The following DYM variants were observed in gnomAD, a reference collection of about 807,000 sequenced individuals.
DYM encodes the protein dyggve-Melchior-Clausen syndrome protein.
In DYM, 78 loss-of-function variants were observed where a neutral mutation model predicts 93.1. The observed-to-expected ratio is 0.84, with a 90% CI of 0.70 to 1.01. The LOEUF is 1.01. DYM is among the 50% of genes least tolerant of loss of function. DYM has a pLI of 0.00. For synonymous variants in DYM, 321 were observed against 319.7 expected (o/e 1.00, Z -0.04); for missense variants, 789 against 845.0 (o/e 0.93, Z 0.82).
chr18:49,149,854 G>A (rs1014623107), intron 15 of DYM, among the ~76,000 whole-genome samples: 3 of 151,704 alleles, frequency 2.0e-5, no homozygotes, highest in African/African-American at 4.8e-5. Flanking sequence ...CTACAGGCGC[G>A]CACCACCATG....
chr18:49,313,462 C>CAAAAAAA lies in DYM; in HGVS notation c.763+18395_763+18401dup, dbSNP rs60775305. ...TCGGCAACAGAGCAAGACTCTGTCA[C>CAAAAAAA]AAAAAAAAAAAAAAAAAAAAAAAAA... On this transcript the variant is annotated intron_variant, in intron 8 of 17. Transcript: ENST00000675505. Among the ~76,000 whole-genome samples, 88 of 28,560 alleles carry CAAAAAAA rather than the reference C, an allele frequency of 3.1e-3. 15 individuals carry two copies. Among genetic ancestry groups the CAAAAAAA allele is most frequent in the Middle Eastern group, 0.062 (1 of 16 alleles). 18.7% of individuals were successfully genotyped at this position (28,560 alleles called of 152,430 possible). A position where few individuals can be genotyped will look rare whatever the true frequency, so the allele number is the denominator to read the frequency against.
At chr18:49,285,032 T>A (rs1380210440) in intron 9 of DYM, among the ~76,000 whole-genome samples, 2 of 152,190 alleles carry the variant, frequency 1.3e-5, no homozygotes, top group African/African-American at 4.8e-5. Context: ...CCTTCTGCCA[T>A]GTGAAGACAC....
At chr18:49,272,049 G>C in intron 11 of DYM, 129 bp downstream of exon 11, 1 of 555,920 alleles carries the variant, frequency 1.8e-6, no homozygotes, top group Non-Finnish European at 2.9e-6. Flanking sequence ...TCTGAAGAAA[G>C]ACATAACATT....
intron 15 of DYM, among the ~76,000 whole-genome samples, chr18:49,120,393 C>T (rs548870158): frequency 1.9e-4 from 29 of 152,296 alleles, no homozygotes; most frequent in African/African-American, 7.0e-4. Flanking sequence ...GATACCTACA[C>T]AAACGTAAGT....
rs375755865 is a variant in DYM, at chr18:49,124,058, A to C, written c.1729-5132T>G. ...CAGATAGCTTACAATTTCTGCTTTC[A>C]AACACATTGAGAGTTTGTTCTCAAT... On this transcript the variant is annotated intron_variant, in intron 15 of 17. Transcript: ENST00000675505. Among the ~76,000 whole-genome samples, 4 of 152,336 alleles carry C rather than the reference A, an allele frequency of 2.6e-5. No individual in the cohort carries two copies. The East Asian group carries it at 5.8e-4, about 22-fold the overall frequency.
intron 17 of DYM, among the ~76,000 whole-genome samples, chr18:49,087,803 T>C (rs1278934083): frequency 2.6e-5 from 4 of 152,080 alleles, no homozygotes; most frequent in African/African-American, 9.7e-5. Flanking sequence ...TTTTTAATGA[T>C]TGCCATTCTA....
At chr18:49,160,287 T>C (rs2086937211) in intron 15 of DYM, among the ~76,000 whole-genome samples, 1 of 152,194 alleles carries the variant, frequency 6.6e-6, no homozygotes, top group South Asian at 2.1e-4. Flanking sequence ...GGTTTCAGGT[T>C]TCCCTAGAGA....
chr18:49,264,636 T>C (rs1233856198), intron 11 of DYM, among the ~76,000 whole-genome samples: 1 of 152,206 alleles, frequency 6.6e-6, no homozygotes, highest in East Asian at 1.9e-4. Flanking sequence ...TCTATTCTGT[T>C]TTTCTATTAC....
intron 11 of DYM, among the ~76,000 whole-genome samples, chr18:49,270,464 T>C (rs1489856660): frequency 6.6e-6 from 1 of 152,152 alleles, no homozygotes; most frequent in Non-Finnish European, 1.5e-5. Flanking sequence ...AGGTCAAAGT[T>C]ACAGGTATAT....
chr18:49,089,352 T>C (rs1432410194), intron 17 of DYM, among the ~76,000 whole-genome samples: 2 of 152,274 alleles, frequency 1.3e-5, no homozygotes, highest in Non-Finnish European at 2.9e-5. Flanking sequence ...ACTTTATTAA[T>C]GGAATTTTAC....
At chr18:49,199,705 T>G (rs1235278626) in intron 14 of DYM, among the ~76,000 whole-genome samples, 1 of 152,234 alleles carries the variant, frequency 6.6e-6, no homozygotes, top group African/African-American at 2.4e-5. Context: ...ATTTATTCAT[T>G]ACAGATTAAG....
chr18:49,044,021 G>T lies in DYM; in HGVS notation c.*34C>A, dbSNP rs765922394. On this transcript the variant is annotated 3_prime_UTR_variant, in exon 18 of 18. Coordinates refer to ENST00000675505, the MANE Select transcript of DYM (RefSeq NM_001353214.3). ...ATAAAAGAACTTGAAGGGCTGCTTG[G>T]CTGGAGGGGTCCGGGTGGGAGAGCA... The T allele has an allele frequency of 1.2e-5, 20 of 1,611,766 alleles. No homozygotes were observed. The highest frequency in any genetic ancestry group is 1.7e-5 in the Non-Finnish European group (20 of 1,179,632).
intron 13 of DYM, among the ~76,000 whole-genome samples, chr18:49,211,185 C>G (rs1240393270): frequency 6.6e-6 from 1 of 152,126 alleles, no homozygotes; most frequent in East Asian, 1.9e-4. Flanking sequence ...GGTGTATGAT[C>G]TCTCTAAGCC....
intron 15 of DYM, among the ~76,000 whole-genome samples, chr18:49,144,626 G>T (rs953758390): frequency 1.6e-4 from 25 of 152,000 alleles, no homozygotes; most frequent in African/African-American, 5.8e-4. Context: ...TTATTGGGTT[G>T]GTCACTGTTA....
chr18:49,270,753 C>T (rs1406002156), intron 11 of DYM, among the ~76,000 whole-genome samples: 1 of 152,018 alleles, frequency 6.6e-6, no homozygotes, highest in African/African-American at 2.4e-5. Context: ...GGTCAAGATT[C>T]CTTAAATCTT....
intron 17 of DYM, among the ~76,000 whole-genome samples, chr18:49,065,170 C>A (rs950032238): frequency 6.6e-6 from 1 of 152,102 alleles, no homozygotes; most frequent in African/African-American, 2.4e-5. Context: ...GGCTTCTTTG[C>A]ACTGCACGTC....
intron 16 of DYM, among the ~76,000 whole-genome samples, chr18:49,117,996 C>CTTT (rs35936099): frequency 0.036 from 1,922 of 52,920 alleles, 11 homozygotes; most frequent in Middle Eastern, 0.058. Context: ...TGTGCCCAGC[C>CTTT]TTTTTTTTTT....
intron 13 of DYM, among the ~76,000 whole-genome samples, chr18:49,252,883 C>T (rs1195068049): frequency 6.6e-6 from 1 of 152,118 alleles, no homozygotes; most frequent in Non-Finnish European, 1.5e-5. Flanking sequence ...ACCTCATAAT[C>T]CCAAATAAAG....
At chr18:49,066,278 C>T (rs1225653259) in intron 17 of DYM, among the ~76,000 whole-genome samples, 1 of 152,116 alleles carries the variant, frequency 6.6e-6, no homozygotes, top group Non-Finnish European at 1.5e-5. Context: ...GCTCCCTGCT[C>T]TTTCTTATAC....
Sources: allele counts gnomAD v4.1 joint callset (sites outside exome capture counted in the v4.1 genomes callset), GRCh38; gene constraint gnomAD v4.1.1; transcripts MANE v1.5; gene names NCBI Gene and HGNC (gene_info 2026-07-23, HGNC 2026-07-21).